NCAM2: variants seen among roughly 807,000 people sequenced by gnomAD.
NCAM2 encodes the protein neural cell adhesion molecule 2, also known as N-CAM-2.
In NCAM2, 30 loss-of-function variants were observed where a neutral mutation model predicts 98.1. The ratio of observed to expected loss-of-function variants is 0.31; its 90% confidence interval spans 0.23 to 0.41. The LOEUF is 0.41. Ranked by LOEUF, NCAM2 falls within the 10% of genes least tolerant of loss-of-function variation. NCAM2 has a pLI of 1.00. For missense variants in NCAM2, 867 were observed against 1,005.8 expected, an observed-to-expected ratio of 0.86 and a Z score of 1.87; for synonymous variants, 368 against 342.4, an observed-to-expected ratio of 1.07 and a Z score of -0.83.
chr21:21,018,041 G>T (rs1047717365), intron 1 of NCAM2, among the ~76,000 whole-genome samples: 1 of 152,070 alleles, frequency 6.6e-6, no homozygotes, highest in Non-Finnish European at 1.5e-5. Context: ...TACGTTATTA[G>T]TTCTTTGCTG....
chr21:21,516,329 A>C (rs1170846155), intron 16 of NCAM2, among the ~76,000 whole-genome samples: 1 of 152,170 alleles, frequency 6.6e-6, no homozygotes, highest in Non-Finnish European at 1.5e-5. Flanking sequence ...TTAGTTTGGC[A>C]AATAATTATT....
intron 8 of NCAM2, among the ~76,000 whole-genome samples, chr21:21,364,522 A>G (rs1274819082): frequency 2.6e-5 from 4 of 152,024 alleles, no homozygotes; most frequent in East Asian, 3.9e-4. Flanking sequence ...TTATACATCT[A>G]ATGACATAGG....
At chr21:21,385,395 C>CACACACACAT (rs141149066) in intron 9 of NCAM2, among the ~76,000 whole-genome samples, 26,534 of 150,578 alleles carry the variant, frequency 0.18, 2,545 homozygotes, top group East Asian at 0.24. Flanking sequence ...CACACACACA[C>CACACACACAT]ACACGCACAC....
chr21:21,174,453 T>G (rs2068219834), intron 1 of NCAM2, among the ~76,000 whole-genome samples: 1 of 152,188 alleles, frequency 6.6e-6, no homozygotes, highest in African/African-American at 2.4e-5. Context: ...GAACTGGATA[T>G]CCTGTATTTT....
intron 1 of NCAM2, among the ~76,000 whole-genome samples, chr21:21,084,758 A>G (rs963718343): frequency 1.3e-5 from 2 of 152,088 alleles, no homozygotes; most frequent in African/African-American, 2.4e-5. Context: ...TTGTTTCCCA[A>G]TTGTCTTGTA....
chr21:21,157,055 T>C (rs974995376), intron 1 of NCAM2, among the ~76,000 whole-genome samples: 1 of 151,962 alleles, frequency 6.6e-6, no homozygotes, highest in African/African-American at 2.4e-5. Context: ...CTACAGATTT[T>C]TTTTTCACTT....
At chr21:21,004,771 C>T (rs536061682) in intron 1 of NCAM2, among the ~76,000 whole-genome samples, 6 of 151,970 alleles carry the variant, frequency 3.9e-5, no homozygotes, top group East Asian at 3.9e-4. Context: ...GTTATTATTA[C>T]GATTATCGTT....
chr21:21,345,364 T>TA (rs1004320238), intron 8 of NCAM2, among the ~76,000 whole-genome samples: 6 of 151,612 alleles, frequency 4.0e-5, no homozygotes, highest in Non-Finnish European at 7.4e-5. Context: ...TTGAGGAAAC[T>TA]AAAAAAAATC....
chr21:21,248,144 CA>C (rs374834385), intron 1 of NCAM2, among the ~76,000 whole-genome samples: 1 of 151,566 alleles, frequency 6.6e-6, no homozygotes, highest in East Asian at 1.9e-4. Context: ...CCTGAATTGA[CA>C]AAAAAGTATT....
At chr21:21,514,076 A>T (rs977891419) in intron 16 of NCAM2, among the ~76,000 whole-genome samples, 2 of 151,484 alleles carry the variant, frequency 1.3e-5, no homozygotes, top group Non-Finnish European at 1.5e-5. Flanking sequence ...AACCTGGGCT[A>T]TACATATAAA....
At chr21:21,134,327 C>T (rs529468968) in intron 1 of NCAM2, among the ~76,000 whole-genome samples, 2 of 152,200 alleles carry the variant, frequency 1.3e-5, no homozygotes, top group South Asian at 4.1e-4. Flanking sequence ...ACCTCGGCCT[C>T]CCAAAGTGCT....
intron 1 of NCAM2, among the ~76,000 whole-genome samples, chr21:21,270,000 G>A (rs1413125939): frequency 6.6e-6 from 1 of 152,180 alleles, no homozygotes; most frequent in Non-Finnish European, 1.5e-5. Flanking sequence ...AGTCTGGAGA[G>A]AGAATACCCA....
In NCAM2 at chr21:21,471,911, G is replaced by T. The variant is rs542325833; in HGVS notation, c.1896+3128G>T. 7.2e-5 allele frequency among the ~76,000 whole-genome samples: 11 copies of T among 152,128 alleles called. No homozygotes were observed. The South Asian group carries it at 1.7e-3, about 23-fold the overall frequency. On this transcript the variant is annotated intron_variant, in intron 14 of 17. Transcript: ENST00000400546. The stretch of plus-strand genomic sequence containing the variant: ...AATAAAAGCAGAATGAGATATTTCT[G>T]TGGACTCTTCATGAAAATTAATGTC...
At chr21:21,012,807 A>T (rs1437515488) in intron 1 of NCAM2, among the ~76,000 whole-genome samples, 1 of 152,048 alleles carries the variant, frequency 6.6e-6, no homozygotes, top group Non-Finnish European at 1.5e-5. Flanking sequence ...TCTGTGTCAC[A>T]TTTAGGTAAC....
At chr21:21,534,225 AT>A (rs1460280563) in intron 16 of NCAM2, among the ~76,000 whole-genome samples, 1 of 152,082 alleles carries the variant, frequency 6.6e-6, no homozygotes, top group Non-Finnish European at 1.5e-5. Context: ...TATTAACAAA[AT>A]ATTTTCATTT....
intron 1 of NCAM2, among the ~76,000 whole-genome samples, chr21:21,244,264 G>T (rs950093283): frequency 9.9e-5 from 15 of 151,412 alleles, no homozygotes; most frequent in Non-Finnish European, 1.9e-4. Context: ...CTCCCAAGAA[G>T]AAAAGAAAAA....
intron 9 of NCAM2, among the ~76,000 whole-genome samples, chr21:21,389,578 T>C (rs781172716): frequency 6.6e-5 from 10 of 152,166 alleles, no homozygotes; most frequent in Non-Finnish European, 1.0e-4. Context: ...TCTCTCTTCA[T>C]TTTTCCCTGC....
At chr21:21,302,224 A>C (rs1487663317) in intron 5 of NCAM2, among the ~76,000 whole-genome samples, 1 of 151,990 alleles carries the variant, frequency 6.6e-6, no homozygotes, top group East Asian at 1.9e-4. Context: ...AATGTCCAAC[A>C]ATGATAGACT....
intron 1 of NCAM2, among the ~76,000 whole-genome samples, chr21:21,245,113 C>T (rs370203174): frequency 3.9e-5 from 6 of 152,166 alleles, no homozygotes; most frequent in African/African-American, 2.4e-5. Context: ...TTCTATGTGG[C>T]GGCCGTACCA....
Sources: allele counts gnomAD v4.1 joint callset (sites outside exome capture counted in the v4.1 genomes callset), GRCh38; gene constraint gnomAD v4.1.1; transcripts MANE v1.5; gene names NCBI Gene and HGNC (gene_info 2026-07-23, HGNC 2026-07-21).